Variants in RAB11A observed in about 807,000 individuals in gnomAD.
RAB11A encodes the protein ras-related protein Rab-11A.
RAB11A carries 9 observed loss-of-function variants against 28.0 expected under a neutral mutation model. That is an observed-to-expected ratio of 0.32 (90% confidence interval 0.19 to 0.56). The LOEUF (loss-of-function observed/expected upper bound fraction) is 0.56. RAB11A is among the 20% of genes least tolerant of loss of function. RAB11A has a pLI of 0.91. For synonymous variants in RAB11A, 85 were observed against 88.2 expected (o/e 0.96, Z 0.20); for missense variants, 108 against 269.6 (o/e 0.40, Z 4.20).
At chr15:65,880,295 T>G (rs1247729968) in intron 4 of RAB11A, among the ~76,000 whole-genome samples, 1 of 152,206 alleles carries the variant, frequency 6.6e-6, no homozygotes, top group Non-Finnish European at 1.5e-5. Flanking sequence ...TGGAAAGAGA[T>G]GGAGTTCATG....
In RAB11A at chr15:65,889,254, C is replaced by CA. The variant is rs1267262142; in HGVS notation, c.*1415dup. On this transcript the variant is annotated 3_prime_UTR_variant, in exon 5 of 5. Transcript: ENST00000261890. ...CTTGCGGTGCTCATGATGTGTGGGGCACACGGAAGGCATTGCTGTAGTCAG... is the reference window on the plus strand; with the variant it reads ...CTTGCGGTGCTCATGATGTGTGGGGCAACACGGAAGGCATTGCTGTAGTCAG... 6.6e-6 allele frequency: 1 copy of CA among 152,264 alleles called. No homozygotes were observed. The highest frequency in any genetic ancestry group is 1.5e-5 in the Non-Finnish European group (1 of 68,026). The allele number at this position is 152,264 out of a possible 1,614,324, so 9.4% of individuals were successfully genotyped here. A position where few individuals can be genotyped will look rare whatever the true frequency, so the allele number is the denominator to read the frequency against.
At position 65,877,748 on chromosome 15, in the gene RAB11A, G is replaced by A. The variant is rs764384833; in HGVS notation, c.237-14G>A. The stretch of plus-strand genomic sequence containing the variant: ...CTTGTGGTTTTCTGATACTAAATAT[G>A]TTTCTGTTTTCAGATATTATCGTGG... On this transcript the variant is annotated splice_polypyrimidine_tract_variant and intron_variant, in intron 2 of 4. Coordinates refer to ENST00000261890, the MANE Select transcript of RAB11A (RefSeq NM_004663.5). This position sits in a 1 kb window ranked among gnomAD's most constrained non-coding sequence, Gnocchi z 4.1. 1 of 1,561,000 alleles carries A rather than the reference G, an allele frequency of 6.4e-7. No homozygotes were observed. The highest frequency in any genetic ancestry group is 1.4e-5 in the African/African-American group (1 of 73,266).
chr15:65,878,288 T>C (rs4514623), intron 3 of RAB11A, among the ~76,000 whole-genome samples: 9,384 of 152,282 alleles, frequency 0.062, 419 homozygotes, highest in Non-Finnish European at 0.092. Flanking sequence ...TGCAGCTGCT[T>C]AGGAGCTGTA....
intron 4 of RAB11A, among the ~76,000 whole-genome samples, chr15:65,881,384 A>G (rs367570118): frequency 2.0e-5 from 3 of 152,328 alleles, no homozygotes; most frequent in East Asian, 3.9e-4. Flanking sequence ...CCGTTTAACT[A>G]AAGTCACTGA....
chr15:65,886,032 A>G (rs1397052467), intron 4 of RAB11A, among the ~76,000 whole-genome samples: 1 of 152,250 alleles, frequency 6.6e-6, no homozygotes, highest in Non-Finnish European at 1.5e-5. Context: ...AGGGAGGGGA[A>G]GAAAAAACAA....
In RAB11A at chr15:65,875,236, C is replaced by CT. The variant is rs551154445; in HGVS notation, c.41-2095dup. ...TACAGGCATGCACCACCGTGCCTGT[C>CT]TAATTTTTTTGTTTGTATTTATTCA... is the stretch of plus-strand genomic sequence containing the variant. On this transcript the variant is annotated intron_variant, in intron 1 of 4. Transcript: ENST00000261890. Among the ~76,000 whole-genome samples, 198 of 151,958 alleles carry CT rather than the reference C, an allele frequency of 1.3e-3. 2 individuals are homozygous for CT. The highest frequency in any genetic ancestry group is 4.4e-3 in the African/African-American group (181 of 41,444).
rs2078197801 is a variant in RAB11A at position 65,877,617 on chromosome 15, TTTCTTTTAAGAA to T, written c.236+95_236+106del. 2.1e-6 allele frequency: 3 copies of T among 1,409,894 alleles called. No homozygotes were observed. The Admixed American group carries it at 7.2e-5, about 34-fold the overall frequency. The allele number at this position is 1,409,894 out of a possible 1,614,324, so 87.3% of individuals were successfully genotyped here. The stretch of plus-strand genomic sequence containing the variant: ...GTATTGGAAAAAGAACTGTTGTTTT[TTTCTTTTAAGAA>T]TTCTAGTATTAGGAATCCTTAGAAA... On this transcript the variant is annotated intron_variant, in intron 2 of 4. Coordinates refer to ENST00000261890, the MANE Select transcript of RAB11A (RefSeq NM_004663.5). This position sits in a 1 kb window ranked among gnomAD's most constrained non-coding sequence, Gnocchi z 4.1.
chr15:65,886,944 A>G (rs1009677017), intron 4 of RAB11A, among the ~76,000 whole-genome samples: 1 of 152,158 alleles, frequency 6.6e-6, no homozygotes, highest in African/African-American at 2.4e-5. Flanking sequence ...TAAACACATT[A>G]TCTTTTTTTC....
intron 4 of RAB11A, among the ~76,000 whole-genome samples, chr15:65,882,056 G>GA (rs897035723): frequency 4.6e-5 from 7 of 150,742 alleles, no homozygotes; most frequent in South Asian, 2.1e-4. Flanking sequence ...GTCTCAAAAA[G>GA]AAAAAAAAAG....
At chr15:65,869,747 T>C (rs1260228081) in intron 1 of RAB11A, 122 bp downstream of exon 1, 10 of 1,077,502 alleles carry the variant, frequency 9.3e-6, no homozygotes, top group Non-Finnish European at 1.3e-5. Flanking sequence ...TTCCTTTTTG[T>C]GCGGTTCCGT....
chr15:65,886,522 G>C lies in RAB11A; in HGVS notation c.512-1179G>C, dbSNP rs558009090. ...ATTGTGTTAATTTGACACATTTTTA[G>C]AATTATCTTGCTTTTTGAGAGTAGT... On this transcript the variant is annotated intron_variant, in intron 4 of 4. Coordinates refer to ENST00000261890, the MANE Select transcript of RAB11A (RefSeq NM_004663.5). Among the ~76,000 whole-genome samples the C allele has an allele frequency of 2.0e-5, 3 of 152,226 alleles. No homozygotes were observed. In the South Asian group the frequency reaches 6.2e-4, roughly 32 times the overall value.
intron 1 of RAB11A, among the ~76,000 whole-genome samples, chr15:65,870,409 G>A (rs1308767724): frequency 2.6e-5 from 4 of 152,216 alleles, no homozygotes; most frequent in Non-Finnish European, 5.9e-5. Flanking sequence ...ACCCACTCGC[G>A]CACTTGTCGC....
chr15:65,879,803 G>T (rs944525495), intron 4 of RAB11A, 52 bp downstream of exon 4: 6 of 1,374,200 alleles, frequency 4.4e-6, no homozygotes, highest in Non-Finnish European at 6.1e-6. Flanking sequence ...TTTTAGGAAG[G>T]TAATTTAAAC....
chr15:65,886,513 AC>A (rs2141109400), intron 4 of RAB11A, among the ~76,000 whole-genome samples: 1 of 152,324 alleles, frequency 6.6e-6, no homozygotes, highest in East Asian at 1.9e-4. Context: ...TTAATTTGAC[AC>A]ATTTTTAGAA....
In RAB11A at chr15:65,869,634, A is replaced by G. The variant is rs1367845197; in HGVS notation, c.40+9A>G. ...CGACTACCTCTTTAAAGGTGAGGCC[A>G]TGGGCTCTCGCACTCTACACAGTCC... On this transcript the variant is annotated intron_variant, in intron 1 of 4. Transcript: ENST00000261890. 3 of 1,611,118 alleles carry G rather than the reference A, an allele frequency of 1.9e-6. No individual in the cohort carries two copies. Among genetic ancestry groups the G allele is most frequent in the Non-Finnish European group, 2.5e-6 (3 of 1,179,562 alleles).
chr15:65,875,021 C>T (rs983985743), intron 1 of RAB11A, among the ~76,000 whole-genome samples: 3 of 152,064 alleles, frequency 2.0e-5, no homozygotes, highest in African/African-American at 7.2e-5. Context: ...GCACTCCAGC[C>T]TGGGCGACAG....
chr15:65,878,370 A>G (rs1340591149), intron 3 of RAB11A, among the ~76,000 whole-genome samples: 1 of 152,188 alleles, frequency 6.6e-6, no homozygotes, highest in Non-Finnish European at 1.5e-5. Context: ...CCAGAAGACA[A>G]CATTGTGCAT....
At chr15:65,883,024 T>C (rs2078232584) in intron 4 of RAB11A, among the ~76,000 whole-genome samples, 1 of 152,234 alleles carries the variant, frequency 6.6e-6, no homozygotes, top group African/African-American at 2.4e-5. Context: ...TTCGGCACCA[T>C]GTGAGATTAA....
chr15:65,875,850 T>C (rs2078188662), intron 1 of RAB11A, among the ~76,000 whole-genome samples: 1 of 152,254 alleles, frequency 6.6e-6, no homozygotes, highest in Non-Finnish European at 1.5e-5. Context: ...CCAGTCTCTT[T>C]AGTAAGGAAT....
Sources: allele counts gnomAD v4.1 joint callset (sites outside exome capture counted in the v4.1 genomes callset), GRCh38; gene constraint gnomAD v4.1.1; non-coding constraint Gnocchi (gnomAD v3.1); transcripts MANE v1.5; gene names NCBI Gene and HGNC (gene_info 2026-07-23, HGNC 2026-07-21).